RAPGEF1: variants seen among roughly 807,000 people sequenced by gnomAD.
The protein encoded by RAPGEF1 is CRK SH3-binding GNRP.
Under a neutral mutation model 143.3 loss-of-function variants are expected in RAPGEF1, and 33 were observed. That is an observed-to-expected ratio of 0.23 (90% confidence interval 0.17 to 0.31). The LOEUF is 0.31. RAPGEF1 is among the 10% of genes least tolerant of loss of function. The probability of loss-of-function intolerance (pLI) is 1.00; values close to 1 mark genes in which losing one functional copy is unlikely to be tolerated. For missense variants in RAPGEF1, 1,199 were observed against 1,645.4 expected, an observed-to-expected ratio of 0.73 and a Z score of 4.69; for synonymous variants, 629 against 676.5, an observed-to-expected ratio of 0.93 and a Z score of 1.09.
intron 1 of RAPGEF1, among the ~76,000 whole-genome samples, chr9:131,716,972 C>T (rs1428007129): frequency 6.6e-6 from 1 of 152,158 alleles, no homozygotes; most frequent in Non-Finnish European, 1.5e-5. Context: ...AGCTCCTGTC[C>T]CTCCTCTCCA....
chr9:131,605,469 T>G (rs1956973717), intron 12 of RAPGEF1, among the ~76,000 whole-genome samples: 1 of 152,164 alleles, frequency 6.6e-6, no homozygotes, highest in Non-Finnish European at 1.5e-5. Context: ...GGCCACATGC[T>G]CTGCTGGGAC....
At chr9:131,614,769 C>T (rs1414220842) in intron 12 of RAPGEF1, among the ~76,000 whole-genome samples, 2 of 152,178 alleles carry the variant, frequency 1.3e-5, no homozygotes, top group Non-Finnish European at 2.9e-5. Flanking sequence ...GCCAGCTGCT[C>T]TGCAGACCCT....
chr9:131,588,049 G>C (rs1429404237), intron 20 of RAPGEF1, 23 bp from the exon 21 acceptor site: 1 of 1,598,810 alleles, frequency 6.3e-7, no homozygotes, highest in Non-Finnish European at 8.5e-7. Flanking sequence ...GGTGTGAGAA[G>C]AGCCGTCAGG....
In RAPGEF1 at chr9:131,650,839, C is replaced by A. The variant is rs565949828; in HGVS notation, c.172G>T (p.Val58Leu). ...SKKGKPAEVS[V>L]KIPEKPVNKE... is the part of the protein sequence containing the mutation. ...TTCACAGGCTTCTCTGGAATCTTTA[C>A]GGACACCTCAGCTGGTTTTCCCTTC... is the stretch of plus-strand genomic sequence containing the variant. The change falls in exon 2 of 27, where the codon GTA (valine) becomes TTA (leucine). Residue 58 changes from valine to leucine, a missense_variant. Val to Leu is a conservative substitution (Grantham distance 32). Around this residue, in one of 6 missense-constraint regions of RAPGEF1, gnomAD observed 613 missense variants for 710.9 expected, o/e 0.86. Transcript: ENST00000683357. The surrounding 1 kb of genome is among the most constrained non-coding windows in gnomAD (Gnocchi z 4.7). 1.9e-5 allele frequency: 30 copies of A among 1,613,878 alleles called. No individual in the cohort carries two copies. Among genetic ancestry groups the A allele is most frequent in the Non-Finnish European group, 2.5e-5 (30 of 1,179,888 alleles).
At chr9:131,661,988 A>AT (rs1974223478) in intron 1 of RAPGEF1, among the ~76,000 whole-genome samples, 1 of 152,220 alleles carries the variant, frequency 6.6e-6, no homozygotes, top group South Asian at 2.1e-4. Context: ...GAATCTTATA[A>AT]TTTTTTATGT....
At position 131,604,959 on chromosome 9, in the gene RAPGEF1, A is replaced by G. The variant is rs542369572; in HGVS notation, c.2291T>C (p.Leu764Pro). The change falls in exon 13 of 27, where the codon CTT becomes CCT. Residue 764 changes from leucine to proline, a missense_variant. Coordinates refer to ENST00000683357, the MANE Select transcript of RAPGEF1 (RefSeq NM_001377935.1). ...GTCAGTGAAAGAGGTTTCGGAAGGAAGGCAGACAGTATTCCCATGAAAGCT... is the reference window on the plus strand; with the variant it reads ...GTCAGTGAAAGAGGTTTCGGAAGGAGGGCAGACAGTATTCCCATGAAAGCT... Reference protein sequence around the residue: ...ESSFHGNTVCLPSETSFTDSS... With the variant: ...ESSFHGNTVCPPSETSFTDSS... The G allele has an allele frequency of 3.2e-4, 417 of 1,312,712 alleles. No homozygotes were observed. Among genetic ancestry groups the G allele is most frequent in the Middle Eastern group, 6.5e-4 (3 of 4,634 alleles). The allele number at this position is 1,312,712 out of a possible 1,614,324, so 81.3% of individuals were successfully genotyped here.
chr9:131,633,540 T>C (rs2133142927), intron 5 of RAPGEF1, among the ~76,000 whole-genome samples: 1 of 152,354 alleles, frequency 6.6e-6, no homozygotes, highest in Non-Finnish European at 1.5e-5. Flanking sequence ...CAATTATAAT[T>C]AGATCGTCAT....
chr9:131,601,029 G>A (rs572080983), intron 15 of RAPGEF1, among the ~76,000 whole-genome samples: 81 of 152,108 alleles, frequency 5.3e-4, no homozygotes, highest in African/African-American at 1.1e-3. Context: ...AAACTTAGCC[G>A]GGCATGGTGG....
At chr9:131,642,610 C>A (rs1054827661) in intron 4 of RAPGEF1, among the ~76,000 whole-genome samples, 1 of 152,244 alleles carries the variant, frequency 6.6e-6, no homozygotes, top group African/African-American at 2.4e-5. Flanking sequence ...AAGGCCCGCC[C>A]TGGACCCAAT....
chr9:131,735,073 C>T (rs900463842), intron 1 of RAPGEF1, among the ~76,000 whole-genome samples: 1 of 152,206 alleles, frequency 6.6e-6, no homozygotes, highest in South Asian at 2.1e-4. Flanking sequence ...TACAAAACTG[C>T]TTAACTTATG....
At chr9:131,649,121 C>T (rs1175744807) in intron 3 of RAPGEF1, among the ~76,000 whole-genome samples, 1 of 150,990 alleles carries the variant, frequency 6.6e-6, no homozygotes, top group Admixed American at 6.6e-5. Flanking sequence ...CAACCTCTGC[C>T]GCCCGGGTTC....
intron 11 of RAPGEF1, among the ~76,000 whole-genome samples, chr9:131,620,654 C>T (rs531941703): frequency 3.9e-5 from 6 of 152,166 alleles, no homozygotes; most frequent in Non-Finnish European, 8.8e-5. Context: ...CTCTACTGGA[C>T]ATGGCCACCT....
intron 1 of RAPGEF1, among the ~76,000 whole-genome samples, chr9:131,702,423 A>G (rs997813948): frequency 6.6e-6 from 1 of 152,250 alleles, no homozygotes; most frequent in Non-Finnish European, 1.5e-5. Context: ...ATTAAATTTT[A>G]TAACAAAATG....
rs1387588755 is a variant in RAPGEF1, at chr9:131,580,304, C to T, written c.3600G>A (p.Gln1200=). Residue 1200 remains glutamine, a synonymous_variant, in exon 26 of 27, where the codon CAG becomes CAA. Coordinates refer to ENST00000683357, the MANE Select transcript of RAPGEF1 (RefSeq NM_001377935.1). ...GCATGCTGTCGAGGATGTTGAACTG[C>T]TGCCACCGCTTGGAGAAGTTCACTT... ...DGKVNFSKRW[Q]QFNILDSMRC... is the part of the protein sequence containing the mutation. 1 of 1,613,916 alleles carries T rather than the reference C, an allele frequency of 6.2e-7. No individual in the cohort carries two copies. The highest frequency in any genetic ancestry group is 8.5e-7 in the Non-Finnish European group (1 of 1,179,900).
In RAPGEF1 at chr9:131,579,424, TC is replaced by T. The variant is rs1349304201; in HGVS notation, c.*72del. On this transcript the variant is annotated 3_prime_UTR_variant, in exon 27 of 27. Coordinates refer to ENST00000683357, the MANE Select transcript of RAPGEF1 (RefSeq NM_001377935.1). ...GGACTCCTGCCATGCGCCTAACAGGTCCAAGGTCCTCTCCGGTCTGGGAGCT... is the reference window on the plus strand; with the variant it reads ...GGACTCCTGCCATGCGCCTAACAGGTCAAGGTCCTCTCCGGTCTGGGAGCT... 19 of 1,561,310 alleles carry T rather than the reference TC, an allele frequency of 1.2e-5. No individual in the cohort carries two copies. The highest frequency in any genetic ancestry group is 1.7e-5 in the Non-Finnish European group (19 of 1,150,286).
chr9:131,661,906 G>A (rs1325765668), intron 1 of RAPGEF1, among the ~76,000 whole-genome samples: 1 of 152,162 alleles, frequency 6.6e-6, no homozygotes, highest in Non-Finnish European at 1.5e-5. Flanking sequence ...TAAATCACCA[G>A]TAAATAAGCA....
At chr9:131,585,538 G>A (rs1160724139) in intron 22 of RAPGEF1, among the ~76,000 whole-genome samples, 1 of 152,264 alleles carries the variant, frequency 6.6e-6, no homozygotes, top group East Asian at 1.9e-4. Context: ...CCAGCCAGAG[G>A]CTGGTGTCAG....
intron 1 of RAPGEF1, among the ~76,000 whole-genome samples, chr9:131,736,648 G>A (rs1024993070): frequency 1.8e-4 from 27 of 152,198 alleles, no homozygotes; most frequent in African/African-American, 5.8e-4. Flanking sequence ...CAAGGGGGCG[G>A]GATGAGGAAC....
intron 1 of RAPGEF1, among the ~76,000 whole-genome samples, chr9:131,737,760 C>T (rs932904431): frequency 6.6e-6 from 1 of 152,036 alleles, no homozygotes; most frequent in Admixed American, 6.6e-5. Context: ...GTCAGGAGAT[C>T]GAGACCATAT....
Sources: gnomAD v4.1 joint callset for allele counts (sites outside exome capture counted in the v4.1 genomes callset) on GRCh38, gnomAD v4.1.1 for gene constraint, gnomAD v4.1.1 regional missense constraint, Gnocchi (gnomAD v3.1) non-coding constraint, MANE v1.5 for transcripts, NCBI Gene and HGNC (gene_info 2026-07-23, HGNC 2026-07-21) for gene names.